Variants in PCDHA3 observed in about 807,000 individuals in gnomAD.
PCDHA3 encodes protocadherin alpha-3.
In PCDHA3, 41 loss-of-function variants were observed where a neutral mutation model predicts 62.2. The ratio of observed to expected loss-of-function variants is 0.66; its 90% CI spans 0.51 to 0.86. PCDHA3 has a LOEUF of 0.86. PCDHA3 is among the 40% of genes least tolerant of loss of function. PCDHA3 has a pLI of 0.00. For missense variants in PCDHA3, 1,304 were observed against 1,241.2 expected, an observed-to-expected ratio of 1.05 and a Z score of -0.76; for synonymous variants, 640 against 555.4, an observed-to-expected ratio of 1.15 and a Z score of -2.14.
chr5:140,981,468 G>A (rs1554242887), intron 2 of PCDHA3, among the ~76,000 whole-genome samples: 1 of 152,172 alleles, frequency 6.6e-6, no homozygotes, highest in Non-Finnish European at 1.5e-5. Context: ...CAGCTACTTG[G>A]GAGGCTGAGG....
intron 1 of PCDHA3, chr5:140,870,178 C>T (rs2051730547): frequency 2.5e-6 from 4 of 1,614,094 alleles, no homozygotes; most frequent in East Asian, 2.2e-5. Context: ...CCTCCCAGTA[C>T]GAGAGGACGC....
At chr5:140,829,504 C>T in intron 1 of PCDHA3, 1 of 1,613,582 alleles carries the variant, frequency 6.2e-7, no homozygotes, top group South Asian at 1.1e-5. Context: ...ACCCGCCGGG[C>T]TGCCACATCT....
intron 2 of PCDHA3, 35 bp from the exon 3 acceptor site, chr5:140,982,440 A>C: frequency 6.2e-6 from 10 of 1,613,042 alleles, no homozygotes; most frequent in Non-Finnish European, 8.5e-6. Context: ...AGAATTTATG[A>C]TCTAACCGTT....
rs2126638059 is a variant in PCDHA3 at position 140,812,385 on chromosome 5, A to G, written c.2394+8794A>G. ...CTTCCAGTCTTTTTGTTTTTTTCTT[A>G]GTCTAGCTAAGGGGCTTGTCAGTTT... On this transcript the variant is annotated intron_variant, in intron 1 of 3. Transcript: ENST00000522353. 9.2e-5 allele frequency: 14 copies of G among 151,850 alleles called. No individual in the cohort carries two copies. In the East Asian group the frequency reaches 2.1e-3, roughly 23 times the overall value. 9.4% of individuals were successfully genotyped at this position (151,850 alleles called of 1,614,324 possible).
chr5:140,824,272 A>G (rs2150133871), intron 1 of PCDHA3: 3 of 1,214,738 alleles, frequency 2.5e-6, no homozygotes, highest in African/African-American at 3.0e-5. Flanking sequence ...TTCATGTATT[A>G]TATGCTTTTT....
intron 1 of PCDHA3, chr5:140,828,708 C>T (rs2150158098): frequency 6.2e-7 from 1 of 1,614,220 alleles, no homozygotes. Flanking sequence ...GAGGAAGCTC[C>T]TGCACACAAC....
chr5:140,924,715 C>A (rs1258622619), intron 1 of PCDHA3, among the ~76,000 whole-genome samples: 3 of 151,692 alleles, frequency 2.0e-5, no homozygotes, highest in Non-Finnish European at 4.4e-5. Flanking sequence ...TGCAACATGG[C>A]GAAACCTCAC....
chr5:140,803,264 G>A lies in PCDHA3; in HGVS notation c.2067G>A (p.Pro689=), dbSNP rs782371333. 7 of 1,613,848 alleles carry A rather than the reference G, an allele frequency of 4.3e-6. No homozygotes were observed. The highest frequency in any genetic ancestry group is 1.3e-5 in the African/African-American group (1 of 74,948). ...SSQASAGATG[P]EAALVDVNVY... ...AGGCGTCCGCTGGCGCCACGGGCCC[G>A]GAAGCTGCACTGGTGGATGTCAACG... The change falls in exon 1 of 4, where the codon CCG becomes CCA. Residue 689 remains proline, a synonymous_variant. Transcript: ENST00000522353.
Position 140,922,401 on chromosome 5 carries a change from A to T in PCDHA3, c.2395-56548A>T, listed in dbSNP as rs1290862669. On this transcript the variant is annotated intron_variant, in intron 1 of 3. Transcript: ENST00000522353. ...AACCAAAGACTCCTTGTTTTGGATT[A>T]AAAAGATCTAGGTACAGAGGCTGAG... 2.6e-5 allele frequency among the ~76,000 whole-genome samples: 4 copies of T among 152,234 alleles called. No individual in the cohort carries two copies. In the East Asian group the frequency reaches 7.7e-4, roughly 29 times the overall value.
chr5:140,975,358 A>T (rs1212652611), intron 1 of PCDHA3, among the ~76,000 whole-genome samples: 1 of 152,258 alleles, frequency 6.6e-6, no homozygotes, highest in East Asian at 1.9e-4. Flanking sequence ...CAACTGTGCT[A>T]CATAGCATAA....
chr5:140,946,974 G>A (rs1554217987), intron 1 of PCDHA3, among the ~76,000 whole-genome samples: 1 of 151,636 alleles, frequency 6.6e-6, no homozygotes, highest in African/African-American at 2.4e-5. Context: ...TTATAGAATA[G>A]AGGATTTTGA....
Position 140,901,601 on chromosome 5 carries a change from A to T in PCDHA3, c.2395-77348A>T, listed in dbSNP as rs1448240708. Among the ~76,000 whole-genome samples, 3 of 152,078 alleles carry T rather than the reference A, an allele frequency of 2.0e-5. 1 individual carries two copies. The highest frequency in any genetic ancestry group is 1.3e-4 in the Admixed American group (2 of 15,264). On this transcript the variant is annotated intron_variant, in intron 1 of 3. Transcript: ENST00000522353. Reference sequence around the variant, plus strand: ...AGTGCCATGATGTTTTGGTTACTATATCTCTATGGTATAATTTGAAGTCAG... The same window carrying T: ...AGTGCCATGATGTTTTGGTTACTATTTCTCTATGGTATAATTTGAAGTCAG...
intron 1 of PCDHA3, among the ~76,000 whole-genome samples, chr5:140,899,127 C>G (rs1487430888): frequency 2.0e-4 from 30 of 152,302 alleles, no homozygotes; most frequent in African/African-American, 7.0e-4. Context: ...ACAATCATGT[C>G]TTCTGCAAAC....
intron 3 of PCDHA3, among the ~76,000 whole-genome samples, chr5:141,000,387 CTCTCTCTCTATA>C (rs1217065500): frequency 3.9e-4 from 26 of 66,870 alleles, no homozygotes; most frequent in African/African-American, 1.1e-3. Context: ...CTCTCTCTCT[CTCTCTCTCTATA>C]TATATATATA....
chr5:140,808,422 C>A (rs147309851), intron 1 of PCDHA3: 5 of 1,614,150 alleles, frequency 3.1e-6, no homozygotes, highest in Non-Finnish European at 4.2e-6. Context: ...CTGGACAGTG[C>A]CCTGGACCGC....
At chr5:140,926,196 T>C (rs1175807987) in intron 1 of PCDHA3, among the ~76,000 whole-genome samples, 1 of 151,596 alleles carries the variant, frequency 6.6e-6, no homozygotes, top group Non-Finnish European at 1.5e-5. Context: ...CAGCACTTCT[T>C]TCGGGGGGCT....
chr5:140,943,616 C>T (rs1221074220), intron 1 of PCDHA3, among the ~76,000 whole-genome samples: 3 of 152,048 alleles, frequency 2.0e-5, no homozygotes, highest in African/African-American at 7.3e-5. Context: ...TTTGATTCAT[C>T]TGCATAAGGA....
intron 1 of PCDHA3, among the ~76,000 whole-genome samples, chr5:140,964,743 T>C (rs1373954630): frequency 6.7e-6 from 1 of 150,048 alleles, no homozygotes; most frequent in Non-Finnish European, 1.5e-5. Flanking sequence ...ACAGAATTAT[T>C]GTAGGGATGT....
intron 1 of PCDHA3, chr5:140,828,557 G>A (rs2150156689): frequency 6.2e-7 from 1 of 1,614,210 alleles, no homozygotes; most frequent in South Asian, 1.1e-5. Context: ...TCCACTGGAG[G>A]GCGCGTCCGA....
Sources: allele counts gnomAD v4.1 joint callset (sites outside exome capture counted in the v4.1 genomes callset), GRCh38; gene constraint gnomAD v4.1.1; transcripts MANE v1.5; gene names NCBI Gene and HGNC (gene_info 2026-07-23, HGNC 2026-07-21).